Variants in GAS7 observed in about 807,000 individuals in gnomAD.
GAS7 encodes growth arrest specific 7, also known as growth arrest-specific protein 7.
GAS7 carries 28 observed loss-of-function variants against 71.1 expected under a neutral mutation model. The observed-to-expected ratio is 0.39, with a 90% CI of 0.29 to 0.54. GAS7 has a LOEUF of 0.54. Ranked by LOEUF, GAS7 falls within the 20% of genes least tolerant of loss-of-function variation. The probability of loss-of-function intolerance (pLI) is 0.62; values close to 1 mark genes in which losing one functional copy is unlikely to be tolerated. For missense variants in GAS7, 436 were observed against 627.8 expected, an observed-to-expected ratio of 0.69 and a Z score of 3.27; for synonymous variants, 258 against 245.8, an observed-to-expected ratio of 1.05 and a Z score of -0.46.
intron 1 of GAS7, among the ~76,000 whole-genome samples, chr17:10,021,330 GAC>G (rs944376973): frequency 6.6e-6 from 1 of 152,112 alleles, no homozygotes; most frequent in African/African-American, 2.4e-5. Flanking sequence ...GAGCAGCAGA[GAC>G]ACACAGCTCC....
chr17:10,059,289 C>T (rs919454085), intron 1 of GAS7, among the ~76,000 whole-genome samples: 5 of 152,156 alleles, frequency 3.3e-5, no homozygotes, highest in African/African-American at 1.2e-4. Flanking sequence ...CACGTGGCCT[C>T]TACAAATTCT....
intron 1 of GAS7, among the ~76,000 whole-genome samples, chr17:10,174,419 G>A (rs58595251): frequency 0.082 from 12,433 of 152,240 alleles, 596 homozygotes; most frequent in Admixed American, 0.11. Flanking sequence ...CTGGCCAGGC[G>A]CGGTGGCTCA....
At chr17:10,121,877 G>A (rs1299677827) in intron 1 of GAS7, among the ~76,000 whole-genome samples, 1 of 152,108 alleles carries the variant, frequency 6.6e-6, no homozygotes, top group Non-Finnish European at 1.5e-5. Flanking sequence ...CCCCAGCATG[G>A]AATGCACCCC....
At chr17:10,059,539 C>G (rs901994584) in intron 1 of GAS7, among the ~76,000 whole-genome samples, 1 of 152,128 alleles carries the variant, frequency 6.6e-6, no homozygotes, top group Non-Finnish European at 1.5e-5. Flanking sequence ...CCAAATCCCC[C>G]CCAGAGCAGA....
At chr17:9,985,674 T>C (rs1462258236) in intron 2 of GAS7, among the ~76,000 whole-genome samples, 1 of 152,176 alleles carries the variant, frequency 6.6e-6, no homozygotes, top group Non-Finnish European at 1.5e-5. Context: ...GAACCGCCCT[T>C]AGCCAAAGAG....
In GAS7 at chr17:9,915,861, T is replaced by C; in HGVS notation, c.*1367A>G. On this transcript the variant is annotated 3_prime_UTR_variant, in exon 14 of 14. Transcript: ENST00000432992. The stretch of plus-strand genomic sequence containing the variant: ...TAGACTGACATGGTGGAGAATGTGT[T>C]TGCTGTGGTAGAGAAAGGGAGAAAG... The C allele has an allele frequency of 4.3e-6, 1 of 231,782 alleles. No individual in the cohort carries two copies. 14.4% of individuals were successfully genotyped at this position (231,782 alleles called of 1,614,324 possible).
At position 10,026,468 on chromosome 17, in the gene GAS7, C is replaced by G. The variant is rs1433513553; in HGVS notation, c.184-6571G>C. On this transcript the variant is annotated intron_variant, in intron 1 of 13. Coordinates refer to ENST00000432992, the MANE Select transcript of GAS7 (RefSeq NM_201433.2). The surrounding 1 kb of genome is among the most constrained non-coding windows in gnomAD (Gnocchi z 4.5). ...TTGGCACTGCTTGAAGGCTCCTCCA[C>G]AAAGGACTCTCCAGCAAGTTCTCTC... 6.6e-6 allele frequency among the ~76,000 whole-genome samples: 1 copy of G among 152,198 alleles called. No individual in the cohort carries two copies. The highest frequency in any genetic ancestry group is 1.9e-4 in the East Asian group (1 of 5,190).
rs367585375 is a variant in GAS7, at chr17:10,044,960, AG to A, written c.184-25064del. On this transcript the variant is annotated intron_variant, in intron 1 of 13. Coordinates refer to ENST00000432992, the MANE Select transcript of GAS7 (RefSeq NM_201433.2). ...TCCCAGCTACTAGGGAGGCTGAGGC[AG>A]GAGAATCACTTCATCTTGGCAGTGA... Among the ~76,000 whole-genome samples the A allele has an allele frequency of 5.3e-4, 80 of 150,840 alleles. 2 individuals are homozygous for A. In the South Asian group the frequency reaches 0.017, roughly 31 times the overall value.
At chr17:10,087,062 T>C (rs1000254839) in intron 1 of GAS7, among the ~76,000 whole-genome samples, 2 of 152,224 alleles carry the variant, frequency 1.3e-5, no homozygotes, top group Non-Finnish European at 1.5e-5. Flanking sequence ...TCAGGGTCTG[T>C]GAAAACATGT....
chr17:9,961,413 G>A (rs2069487452), intron 4 of GAS7, among the ~76,000 whole-genome samples: 1 of 152,286 alleles, frequency 6.6e-6, no homozygotes, highest in East Asian at 1.9e-4. Context: ...GCAAATACAT[G>A]GCAGGAAGGG....
intron 1 of GAS7, among the ~76,000 whole-genome samples, chr17:10,054,338 C>T (rs1337602394): frequency 1.3e-5 from 2 of 152,010 alleles, no homozygotes; most frequent in East Asian, 1.9e-4. Context: ...GTGGAGACTG[C>T]GCAAATTGGA....
At chr17:9,984,634 A>T (rs2070565373) in intron 2 of GAS7, among the ~76,000 whole-genome samples, 1 of 152,218 alleles carries the variant, frequency 6.6e-6, no homozygotes, top group Admixed American at 6.5e-5. Flanking sequence ...AGCCATTCAT[A>T]CGCTGAGTGA....
intron 5 of GAS7, among the ~76,000 whole-genome samples, chr17:9,947,843 A>C (rs886566492): frequency 2.0e-4 from 31 of 152,012 alleles, no homozygotes; most frequent in African/African-American, 7.2e-4. Context: ...CAAAAAAAAA[A>C]AAAAAGCAAG....
chr17:9,915,522 A>C lies in GAS7; in HGVS notation c.*1706T>G, dbSNP rs2067559874. 4.4e-6 allele frequency: 1 copy of C among 227,532 alleles called. No homozygotes were observed. The highest frequency in any genetic ancestry group is 5.7e-5 in the Admixed American group (1 of 17,562). The allele number at this position is 227,532 out of a possible 1,614,324, so 14.1% of individuals were successfully genotyped here. A position where few individuals can be genotyped will look rare whatever the true frequency, so the allele number is the denominator to read the frequency against. ...CTGACCTTTTTGGTTGCAATGTTTC[A>C]AGAACAAGAGAAAAGTGACAACGTT... On this transcript the variant is annotated 3_prime_UTR_variant, in exon 14 of 14. Transcript: ENST00000432992.
chr17:10,184,858 GC>G (rs1487959278), intron 1 of GAS7, among the ~76,000 whole-genome samples: 1 of 151,994 alleles, frequency 6.6e-6, no homozygotes, highest in Non-Finnish European at 1.5e-5. Flanking sequence ...GGATTTTTGA[GC>G]CCCACCTGCT....
chr17:9,942,200 G>A (rs889563882), intron 7 of GAS7, among the ~76,000 whole-genome samples: 4 of 151,938 alleles, frequency 2.6e-5, no homozygotes, highest in African/African-American at 9.7e-5. Flanking sequence ...GTTGCAGTGA[G>A]CCAAGACTGC....
chr17:10,166,318 A>C (rs1302852543), intron 1 of GAS7, among the ~76,000 whole-genome samples: 1 of 152,160 alleles, frequency 6.6e-6, no homozygotes, highest in Non-Finnish European at 1.5e-5. Flanking sequence ...TCACCACACC[A>C]GGTGACTTTC....
chr17:9,984,194 A>T (rs2070545958), intron 2 of GAS7, among the ~76,000 whole-genome samples: 1 of 152,134 alleles, frequency 6.6e-6, no homozygotes, highest in African/African-American at 2.4e-5. Context: ...CTTTGCTCCT[A>T]AACTACCGTG....
Position 10,068,683 on chromosome 17 carries a change from G to A in GAS7, c.184-48786C>T, listed in dbSNP as rs188406674. ...GGAGGCTGAGATGGAAGGATTGCTT[G>A]AGCCCAGGAGTTTGAGGCTGCAGTG... On this transcript the variant is annotated intron_variant, in intron 1 of 13. Coordinates refer to ENST00000432992, the MANE Select transcript of GAS7 (RefSeq NM_201433.2). 2.2e-4 allele frequency among the ~76,000 whole-genome samples: 33 copies of A among 152,140 alleles called. No individual in the cohort carries two copies. The East Asian group carries it at 6.2e-3, about 29-fold the overall frequency.
Sources: allele counts gnomAD v4.1 joint callset (sites outside exome capture counted in the v4.1 genomes callset), GRCh38; gene constraint gnomAD v4.1.1; non-coding constraint Gnocchi (gnomAD v3.1); transcripts MANE v1.5; gene names NCBI Gene and HGNC (gene_info 2026-07-23, HGNC 2026-07-21).